The following AGBL1 variants were observed in gnomAD, a reference collection of about 807,000 sequenced individuals.
The protein encoded by AGBL1 is AGBL carboxypeptidase 1.
Under a neutral mutation model 118.9 loss-of-function variants are expected in AGBL1, and 130 were observed. The ratio of observed to expected loss-of-function variants is 1.09; its 90% CI spans 0.95 to 1.26. The LOEUF is 1.26. AGBL1 is among the 50% of genes most tolerant of loss of function. The probability of loss-of-function intolerance (pLI) is 0.00; values close to 1 mark genes in which losing one functional copy is unlikely to be tolerated. For synonymous variants in AGBL1, 555 were observed against 478.9 expected, an observed-to-expected ratio of 1.16 and a Z score of -2.08; for missense variants, 1,584 against 1,298.1, an observed-to-expected ratio of 1.22 and a Z score of -3.38.
intron 24 of AGBL1, among the ~76,000 whole-genome samples, chr15:86,996,145 C>T (rs2081378220): frequency 6.6e-6 from 1 of 152,148 alleles, no homozygotes; most frequent in Admixed American, 6.5e-5. Context: ...TATTCATTTA[C>T]TCATTTGTTC....
At chr15:86,701,752 CTCCTTTCCCCT>C (rs2086362916) in intron 22 of AGBL1, among the ~76,000 whole-genome samples, 1 of 147,094 alleles carries the variant, frequency 6.8e-6, no homozygotes, top group African/African-American at 2.5e-5. Flanking sequence ...CTTCCTTTCA[CTCCTTTCCCCT>C]TCCTTTCACT....
chr15:86,834,790 G>A (rs148947459), intron 22 of AGBL1, among the ~76,000 whole-genome samples: 13 of 152,152 alleles, frequency 8.5e-5, no homozygotes, highest in African/African-American at 2.9e-4. Flanking sequence ...GAGCTTCTCC[G>A]TTGACACTAA....
At chr15:86,916,926 G>T (rs1272350949), downstream of AGBL1, among the ~76,000 whole-genome samples, 1 of 152,130 alleles carries the variant, frequency 6.6e-6, no homozygotes, top group Non-Finnish European at 1.5e-5. Flanking sequence ...TCCTGCCAAT[G>T]CCCAGCAGAA....
chr15:86,785,201 T>A (rs989973872), intron 22 of AGBL1, among the ~76,000 whole-genome samples: 1 of 151,826 alleles, frequency 6.6e-6, no homozygotes, highest in Non-Finnish European at 1.5e-5. Context: ...CAGATAGCAC[T>A]TAGTAAGGGG....
chr15:86,379,326 A>G (rs1209362162), intron 17 of AGBL1, among the ~76,000 whole-genome samples: 6 of 152,230 alleles, frequency 3.9e-5, no homozygotes, highest in Non-Finnish European at 1.5e-5. Context: ...ATTATTACAT[A>G]AATTAATACG....
At chr15:86,227,117 GC>G (rs1308274488) in intron 6 of AGBL1, among the ~76,000 whole-genome samples, 1 of 151,958 alleles carries the variant, frequency 6.6e-6, no homozygotes, top group African/African-American at 2.4e-5. Context: ...TGGCAGTACT[GC>G]CCCCTTCTAC....
At chr15:86,700,053 C>T (rs2142639751) in intron 22 of AGBL1, among the ~76,000 whole-genome samples, 1 of 152,006 alleles carries the variant, frequency 6.6e-6, no homozygotes, top group East Asian at 1.9e-4. Flanking sequence ...CTCTTCTCCC[C>T]ATTTCATTAT....
chr15:87,018,419 G>A (rs2081629177), intron 24 of AGBL1, among the ~76,000 whole-genome samples: 1 of 152,092 alleles, frequency 6.6e-6, no homozygotes, highest in South Asian at 2.1e-4. Flanking sequence ...GGACATCTCA[G>A]AAGAAATCCT....
intron 22 of AGBL1, among the ~76,000 whole-genome samples, chr15:86,770,562 C>G (rs931802910): frequency 6.6e-6 from 1 of 151,904 alleles, no homozygotes; most frequent in African/African-American, 2.4e-5. Flanking sequence ...AAAGACACCG[C>G]AATTGCACGA....
intron 21 of AGBL1, among the ~76,000 whole-genome samples, chr15:86,651,036 C>T (rs2085360554): frequency 6.6e-6 from 1 of 152,224 alleles, no homozygotes; most frequent in Admixed American, 6.5e-5. Context: ...TGATATTACT[C>T]ACTGAAGTGT....
intron 5 of AGBL1, among the ~76,000 whole-genome samples, chr15:86,208,268 G>C (rs2078028653): frequency 6.6e-6 from 1 of 152,118 alleles, no homozygotes; most frequent in African/African-American, 2.4e-5. Context: ...CAGGGATATT[G>C]GTCTAAAATT....
chr15:86,716,328 T>C (rs1036639114), intron 22 of AGBL1, among the ~76,000 whole-genome samples: 5 of 151,820 alleles, frequency 3.3e-5, no homozygotes, highest in Admixed American at 6.6e-5. Context: ...ATGGGGGAAA[T>C]CTGAAAGGCT....
chr15:86,506,367 T>A (rs11638415), intron 18 of AGBL1, among the ~76,000 whole-genome samples: 66,378 of 151,802 alleles, frequency 0.44, 15,580 homozygotes, highest in East Asian at 0.68. Flanking sequence ...GTTTGCCCAT[T>A]GGTTGCCCAA....
At chr15:86,263,617 A>G (rs951845828) in intron 10 of AGBL1, among the ~76,000 whole-genome samples, 3 of 152,200 alleles carry the variant, frequency 2.0e-5, no homozygotes, top group African/African-American at 7.2e-5. Flanking sequence ...TTGAAGGTGG[A>G]CATACTGACT....
intron 18 of AGBL1, among the ~76,000 whole-genome samples, chr15:86,398,032 A>G (rs2081393671): frequency 6.6e-6 from 1 of 152,218 alleles, no homozygotes; most frequent in South Asian, 2.1e-4. Flanking sequence ...TTATTTACTT[A>G]TTAATATTTA....
At chr15:86,700,500 CACACACACACAA>C (rs779478665) in intron 22 of AGBL1, among the ~76,000 whole-genome samples, 289 of 130,618 alleles carry the variant, frequency 2.2e-3, no homozygotes, top group East Asian at 6.0e-3. Context: ...CACACACACA[CACACACACACAA>C]AATCTCTCTT....
chr15:86,765,704 T>TA (rs1567163453), intron 22 of AGBL1, among the ~76,000 whole-genome samples: 1 of 151,714 alleles, frequency 6.6e-6, no homozygotes, highest in East Asian at 1.9e-4. Flanking sequence ...GGCTTTTTTT[T>TA]AAAAATTTTT....
intron 17 of AGBL1, among the ~76,000 whole-genome samples, chr15:86,389,310 C>T (rs1426715747): frequency 3.3e-5 from 5 of 151,816 alleles, no homozygotes; most frequent in South Asian, 2.1e-4. Context: ...TTTCCAGGTA[C>T]CTAAAGACTG....
chr15:86,309,755 C>T (rs2079892335), intron 17 of AGBL1, among the ~76,000 whole-genome samples: 1 of 152,132 alleles, frequency 6.6e-6, no homozygotes, highest in South Asian at 2.1e-4. Context: ...ACATGTTGAA[C>T]ATCCTTGCAG....
Sources: allele counts gnomAD v4.1 joint callset (sites outside exome capture counted in the v4.1 genomes callset), GRCh38; gene constraint gnomAD v4.1.1; transcripts MANE v1.5; gene names NCBI Gene and HGNC (gene_info 2026-07-23, HGNC 2026-07-21).